The following AKAP17A variants were observed in gnomAD, a reference collection of about 807,000 sequenced individuals.
AKAP17A encodes the protein A-kinase anchor protein 17A.
In AKAP17A, 15 loss-of-function variants were observed where a neutral mutation model predicts 52.2. That is an observed-to-expected ratio of 0.29 (90% CI 0.19 to 0.44). AKAP17A has a LOEUF of 0.44. Among genes scored for constraint, AKAP17A ranks in the 20% least tolerant of loss-of-function variants. The pLI is 1.00. For missense variants in AKAP17A, 1,060 were observed against 1,007.0 expected (o/e 1.05, Z -0.71); for synonymous variants, 514 against 424.7 (o/e 1.21, Z -2.58).
rs1250721981 is a variant in AKAP17A, at chrX:1,601,886, C to T, written c.*292C>T. ...CTCTCAGTCAGGAAAATTGCACAGA[C>T]CGACAGTCGTGAGGATGGCAGAGCT... On this transcript the variant is annotated 3_prime_UTR_variant, in exon 5 of 5. Coordinates refer to ENST00000313871, the MANE Select transcript of AKAP17A (RefSeq NM_005088.3). 5.5e-6 allele frequency: 2 copies of T among 363,480 alleles called. No individual in the cohort carries two copies. Among genetic ancestry groups the T allele is most frequent in the Non-Finnish European group, 9.8e-6 (2 of 203,926 alleles). The allele number at this position is 363,480 out of a possible 1,614,324, so 22.5% of individuals were successfully genotyped here.
Position 1,601,755 on chromosome X carries a change from CTT to C in AKAP17A, c.*163_*164del. 1.7e-6 allele frequency: 1 copy of C among 573,982 alleles called. No individual in the cohort carries two copies. Among genetic ancestry groups the C allele is most frequent in the Non-Finnish European group, 2.7e-6 (1 of 367,124 alleles). The allele number at this position is 573,982 out of a possible 1,614,324, so 35.6% of individuals were successfully genotyped here. A position where few individuals can be genotyped will look rare whatever the true frequency, so the allele number is the denominator to read the frequency against. Reference sequence around the variant, plus strand: ...CGCCGGCAGGAAGGAAGACACCATGCTTTAGAGATCCATCTTTCTCCACTCAC... The same window carrying C: ...CGCCGGCAGGAAGGAAGACACCATGCTAGAGATCCATCTTTCTCCACTCAC... On this transcript the variant is annotated 3_prime_UTR_variant, in exon 5 of 5. Coordinates refer to ENST00000313871, the MANE Select transcript of AKAP17A (RefSeq NM_005088.3).
At chrX:1,595,720 C>T (rs6644765) in intron 3 of AKAP17A, among the ~76,000 whole-genome samples, 188 bp downstream of exon 3, 88,250 of 151,562 alleles carry the variant, frequency 0.58, 25,685 homozygotes, top group Middle Eastern at 0.67. Flanking sequence ...TTTGTATGTC[C>T]CTATGTGCGC....
At chrX:1,599,592 G>T in intron 4 of AKAP17A, 160 bp downstream of exon 4, 1 of 1,012,952 alleles carries the variant, frequency 9.9e-7, no homozygotes, top group Non-Finnish European at 1.5e-6. Flanking sequence ...TTCCCGGGAG[G>T]GTGTAGCGCT....
In AKAP17A at chrX:1,601,328, C is replaced by T. The variant is rs375125397; in HGVS notation, c.1822C>T (p.Arg608Trp). The T allele has an allele frequency of 2.2e-5, 36 of 1,600,194 alleles. No homozygotes were observed. Among genetic ancestry groups the T allele is most frequent in the African/African-American group, 1.2e-4 (9 of 74,606 alleles). ...RHKRERSRAR[R>W]ASSREDGRPR... is the part of the protein sequence containing the mutation. ...CAAGCGGGAGAGGAGCCGGGCCAGG[C>T]GGGCCAGCAGCAGGGAGGACGGGAG... Residue 608 changes from arginine (R) to tryptophan (W), a missense_variant, in exon 5 of 5, where the codon CGG becomes TGG. Arg to Trp is a moderately radical substitution (Grantham distance 101, BLOSUM62 -3). Coordinates refer to ENST00000313871, the MANE Select transcript of AKAP17A (RefSeq NM_005088.3).
At position 1,593,372 on chromosome X, in the gene AKAP17A, T is replaced by G. The variant is rs759210305; in HGVS notation, c.-19-72T>G. The G allele has an allele frequency of 1.1e-4, 156 of 1,479,620 alleles. No homozygotes were observed. In the East Asian group the frequency reaches 3.4e-3, roughly 33 times the overall value. The allele number at this position is 1,479,620 out of a possible 1,614,324, so 91.7% of individuals were successfully genotyped here. ...TTCTCCGGGTCCAGAAAGTGCCTGCTGGCTTGGCCCCTCCTCATTGGCGGG... is the reference window on the plus strand; with the variant it reads ...TTCTCCGGGTCCAGAAAGTGCCTGCGGGCTTGGCCCCTCCTCATTGGCGGG... On this transcript the variant is annotated intron_variant, in intron 1 of 4. Transcript: ENST00000313871.
At chrX:1,598,038 G>C (rs1226111140) in intron 3 of AKAP17A, among the ~76,000 whole-genome samples, 1 of 152,190 alleles carries the variant, frequency 6.6e-6, no homozygotes, top group Non-Finnish European at 1.5e-5. Context: ...GTGGAGATGA[G>C]GCATGTTTGC....
In AKAP17A at chrX:1,600,798, A is replaced by AGCGGGAGCT; in HGVS notation, c.1296_1304dup (p.Leu434_Glu436dup). The AGCGGGAGCT allele has an allele frequency of 6.3e-7, 1 of 1,588,776 alleles. No homozygotes were observed. Among genetic ancestry groups the AGCGGGAGCT allele is most frequent in the Non-Finnish European group, 8.5e-7 (1 of 1,172,184 alleles). ...CGCGCGCTGGGCCTGCAGCGGAAAG[A>AGCGGGAGCT]GCGGGAGCTGCGCGAGCGGCTGCTG... is the stretch of plus-strand genomic sequence containing the variant. On this transcript the variant is annotated inframe_insertion, in exon 5 of 5. Transcript: ENST00000313871.
At chrX:1,595,319 G>A in intron 2 of AKAP17A, 65 bp from the exon 3 acceptor site, 7 of 1,603,680 alleles carry the variant, frequency 4.4e-6, no homozygotes, top group Non-Finnish European at 6.0e-6. Context: ...CCAGGAGAGG[G>A]CGCCTGGCCG....
In AKAP17A at chrX:1,600,977, C is replaced by A. The variant is rs1162605358; in HGVS notation, c.1471C>A (p.Pro491Thr). Residue 491 changes from proline to threonine, a missense_variant, in exon 5 of 5, where the codon CCC (proline) becomes ACC (threonine). By Grantham distance (38) the Pro-to-Thr change is conservative. This residue lies in a region of AKAP17A where 793 missense variants were observed against 629.9 expected (regional missense o/e 1.26). Coordinates refer to ENST00000313871, the MANE Select transcript of AKAP17A (RefSeq NM_005088.3). The stretch of plus-strand genomic sequence containing the variant: ...CACGCTGCACCCCCTCGGGGGCCAG[C>A]CCCCGGCCGGTGCCCCCAAGGAGAG... ...ATTLHPLGGQ[P>T]PAGAPKESPA... 6 of 1,593,702 alleles carry A rather than the reference C, an allele frequency of 3.8e-6. No individual in the cohort carries two copies. The highest frequency in any genetic ancestry group is 1.1e-5 in the South Asian group (1 of 89,282).
rs753117088 is a variant in AKAP17A, at chrX:1,594,252, G to A, written c.762+28G>A. ...GAGTCCTGGGCACCGAGAGAGCCACGCGCTTCCTCCCTCTGGCGACTTCCT... is the reference window on the plus strand; with the variant it reads ...GAGTCCTGGGCACCGAGAGAGCCACACGCTTCCTCCCTCTGGCGACTTCCT... On this transcript the variant is annotated intron_variant, in intron 2 of 4. Transcript: ENST00000313871. 2.4e-5 allele frequency: 36 copies of A among 1,502,506 alleles called. No homozygotes were observed. The Middle Eastern group carries it at 5.9e-4, about 25-fold the overall frequency. The allele number at this position is 1,502,506 out of a possible 1,614,324, so 93.1% of individuals were successfully genotyped here.
intron 1 of AKAP17A, 35 bp from the exon 2 acceptor site, chrX:1,593,409 G>C (rs1218519921): frequency 8.9e-6 from 14 of 1,565,588 alleles, no homozygotes; most frequent in African/African-American, 4.0e-5. Flanking sequence ...GAGGTGGGGG[G>C]TGCTGGTGCT....
rs750945252 is a variant in AKAP17A, at chrX:1,601,551, G to T, written c.2045G>T (p.Arg682Leu). ...CACCGCCGCCGAAGCGAGCGGTCGC[G>T]CTCCCGGTCCCCGAGCAGGCACCGC... ...SRHRRRSERS[R>L]SRSPSRHRST... The change falls in exon 5 of 5, where the codon CGC (arginine) becomes CTC (leucine). Residue 682 changes from arginine (R) to leucine (L), a missense_variant. Arg to Leu is a moderately radical substitution (Grantham distance 102, BLOSUM62 -2). Around this residue, in one of 2 missense-constraint regions of AKAP17A, gnomAD observed 793 missense variants for 629.9 expected, o/e 1.26. Transcript: ENST00000313871. 1.4e-6 allele frequency: 2 copies of T among 1,467,652 alleles called. No homozygotes were observed. Among genetic ancestry groups the T allele is most frequent in the Non-Finnish European group, 1.8e-6 (2 of 1,119,150 alleles). 90.9% of individuals were successfully genotyped at this position (1,467,652 alleles called of 1,614,324 possible). A position where few individuals can be genotyped will look rare whatever the true frequency, so the allele number is the denominator to read the frequency against.
chrX:1,600,607 G>C, intron 4 of AKAP17A, 52 bp from the exon 5 acceptor site: 1 of 1,465,420 alleles, frequency 6.8e-7, no homozygotes, highest in Non-Finnish European at 9.1e-7. Flanking sequence ...TGTCCCACGT[G>C]TCCGGCCAGG....
chrX:1,597,010 T>G (rs1221695269), intron 3 of AKAP17A, among the ~76,000 whole-genome samples: 3 of 151,904 alleles, frequency 2.0e-5, no homozygotes, highest in African/African-American at 7.2e-5. Flanking sequence ...TTGCGCTTCA[T>G]GTCGCCGATA....
Position 1,599,306 on chromosome X carries a change from G to A in AKAP17A, c.1026G>A (p.Glu342=), listed in dbSNP as rs1443181638. 3.1e-6 allele frequency: 5 copies of A among 1,610,070 alleles called. No homozygotes were observed. In the Admixed American group the frequency reaches 5.1e-5, roughly 16 times the overall value. Residue 342 remains glutamate, a synonymous_variant, in exon 4 of 5, where the codon GAG becomes GAA. Transcript: ENST00000313871. ...RELRRNQKKL[E]KLQAEEQKQL... is the part of the protein sequence containing the mutation. Reference sequence around the variant, plus strand: ...TGCGCCGGAATCAGAAGAAGCTGGAGAAGCTGCAGGCGGAGGAGCAGAAGC... The same window carrying A: ...TGCGCCGGAATCAGAAGAAGCTGGAAAAGCTGCAGGCGGAGGAGCAGAAGC...
Position 1,599,605 on chromosome X carries a change from T to C in AKAP17A, c.1152+173T>C, listed in dbSNP as rs771284840. The stretch of plus-strand genomic sequence containing the variant: ...CCTTCCCGGGAGGGTGTAGCGCTCG[T>C]CTGTCGTTCCCGATGATTTCAGAGC... On this transcript the variant is annotated intron_variant, in intron 4 of 4. Transcript: ENST00000313871. 1.3e-5 allele frequency: 12 copies of C among 927,998 alleles called. No individual in the cohort carries two copies. The Middle Eastern group carries it at 6.4e-4, about 50-fold the overall frequency. The allele number at this position is 927,998 out of a possible 1,614,324, so 57.5% of individuals were successfully genotyped here.
At chrX:1,598,817 G>A (rs1232569544) in intron 3 of AKAP17A, among the ~76,000 whole-genome samples, 8 of 152,172 alleles carry the variant, frequency 5.3e-5, no homozygotes, top group South Asian at 2.1e-4. Flanking sequence ...CGTCCTCCGC[G>A]CCGCTGTGCA....
intron 1 of AKAP17A, among the ~76,000 whole-genome samples, chrX:1,592,280 G>A (rs1932851757): frequency 6.6e-6 from 1 of 151,934 alleles, no homozygotes; most frequent in Non-Finnish European, 1.5e-5. Context: ...GTACCGAGTG[G>A]CCAAGGGCCT....
In AKAP17A at chrX:1,602,005, G is replaced by T. The variant is rs1279801161; in HGVS notation, c.*411G>T. Reference sequence around the variant, plus strand: ...TGCACGGGCCACCATAGTCACACTGGCACTGAAAAGAAAGCGTTGCCCTGG... The same window carrying T: ...TGCACGGGCCACCATAGTCACACTGTCACTGAAAAGAAAGCGTTGCCCTGG... On this transcript the variant is annotated 3_prime_UTR_variant, in exon 5 of 5. Coordinates refer to ENST00000313871, the MANE Select transcript of AKAP17A (RefSeq NM_005088.3). The T allele has an allele frequency of 1.1e-5, 2 of 188,526 alleles. No homozygotes were observed. Among genetic ancestry groups the T allele is most frequent in the African/African-American group, 4.7e-5 (2 of 42,964 alleles). The allele number at this position is 188,526 out of a possible 1,614,324, so 11.7% of individuals were successfully genotyped here. A position where few individuals can be genotyped will look rare whatever the true frequency, so the allele number is the denominator to read the frequency against.
Sources: allele counts gnomAD v4.1 joint callset (sites outside exome capture counted in the v4.1 genomes callset), GRCh38; gene constraint gnomAD v4.1.1; regional missense constraint gnomAD v4.1.1; transcripts MANE v1.5; gene names NCBI Gene and HGNC (gene_info 2026-07-23, HGNC 2026-07-21).